The following ZNF439 variants were observed in gnomAD, a reference collection of about 807,000 sequenced individuals.
ZNF439 encodes zinc finger protein 439.
A neutral mutation model predicts 47.3 loss-of-function variants in ZNF439; 40 were observed. That is an observed-to-expected ratio of 0.85 (90% CI 0.66 to 1.10). ZNF439 has a LOEUF of 1.10. Among genes scored for constraint, ZNF439 ranks in the 50% least tolerant of loss-of-function variants. The pLI, the probability that ZNF439 is intolerant of heterozygous loss-of-function variation, is 0.00. For synonymous variants in ZNF439, 171 were observed against 198.8 expected, an observed-to-expected ratio of 0.86 and a Z score of 1.18; for missense variants, 556 against 601.1, an observed-to-expected ratio of 0.93 and a Z score of 0.78.
At chr19:11,864,477 A>G (rs1209499254) in intron 1 of ZNF439, among the ~76,000 whole-genome samples, 2 of 151,764 alleles carry the variant, frequency 1.3e-5, no homozygotes, top group Non-Finnish European at 2.9e-5. Flanking sequence ...TTGTGTTTTT[A>G]GTAGAGATGG....
intron 1 of ZNF439, among the ~76,000 whole-genome samples, chr19:11,861,959 C>T (rs941884212): frequency 9.2e-5 from 14 of 152,168 alleles, no homozygotes; most frequent in African/African-American, 3.1e-4. Context: ...CTTTAGTGCA[C>T]TCTCCTATCT....
At chr19:11,864,204 C>T (rs534358005) in intron 1 of ZNF439, among the ~76,000 whole-genome samples, 2 of 152,300 alleles carry the variant, frequency 1.3e-5, no homozygotes, top group East Asian at 3.9e-4. Flanking sequence ...ATACAAATAA[C>T]TCCCACATGC....
chr19:11,865,475 G>A (rs1976648147), intron 1 of ZNF439, among the ~76,000 whole-genome samples: 1 of 149,122 alleles, frequency 6.7e-6, no homozygotes, highest in African/African-American at 2.5e-5. Context: ...GGGGTTGTGG[G>A]ATTTCCCAGG....
At chr19:11,858,611 T>TC (rs1287726858) in intron 1 of ZNF439, among the ~76,000 whole-genome samples, 2 of 152,188 alleles carry the variant, frequency 1.3e-5, no homozygotes, top group African/African-American at 4.8e-5. Flanking sequence ...GTCGCCATCT[T>TC]CCTGACTTCT....
chr19:11,855,181 G>A (rs1976352168), intron 1 of ZNF439, among the ~76,000 whole-genome samples: 1 of 152,180 alleles, frequency 6.6e-6, no homozygotes, highest in Non-Finnish European at 1.5e-5. Flanking sequence ...TACCACCAAT[G>A]CCAGCCAAGT....
chr19:11,860,519 T>G (rs886642714), intron 1 of ZNF439, among the ~76,000 whole-genome samples: 1 of 152,168 alleles, frequency 6.6e-6, no homozygotes, highest in Non-Finnish European at 1.5e-5. Flanking sequence ...CCAGCAAGCT[T>G]TCTTCGTTCA....
chr19:11,857,508 T>C (rs1442061080), intron 1 of ZNF439: 1 of 152,264 alleles, frequency 6.6e-6, no homozygotes, highest in African/African-American at 2.4e-5. Context: ...CCAGGAGTCC[T>C]GTTGGAGAAT....
chr19:11,866,367 G>A, intron 2 of ZNF439, 36 bp downstream of exon 2: 1 of 1,612,852 alleles, frequency 6.2e-7, no homozygotes, highest in Non-Finnish European at 8.5e-7. Flanking sequence ...CAGTGCATTA[G>A]TTTACCAATG....
At chr19:11,866,857 C>A (rs1211542384) in intron 3 of ZNF439, among the ~76,000 whole-genome samples, 2 of 152,246 alleles carry the variant, frequency 1.3e-5, no homozygotes, top group East Asian at 3.9e-4. Flanking sequence ...AACAAGACCA[C>A]ATATCAACAA....
At position 11,867,371 on chromosome 19, in the gene ZNF439, C is replaced by A; in HGVS notation, c.317C>A (p.Pro106Gln). The change falls in exon 4 of 4, where the codon CCA becomes CAA. Residue 106 changes from proline to glutamine, a missense_variant. Transcript: ENST00000682736. ...EDSHCGETFT[P>Q]VPDDRLNFQK... is the part of the protein sequence containing the mutation. ...AGTCATTGTGGAGAAACTTTTACCC[C>A]AGTTCCAGATGACAGGCTGAACTTC... is the stretch of plus-strand genomic sequence containing the variant. The A allele has an allele frequency of 3.1e-6, 5 of 1,613,920 alleles. No homozygotes were observed. The highest frequency in any genetic ancestry group is 4.2e-6 in the Non-Finnish European group (5 of 1,179,852).
At chr19:11,856,285 G>A (rs1976384136) in intron 1 of ZNF439, 1 of 152,168 alleles carries the variant, frequency 6.6e-6, no homozygotes, top group Admixed American at 6.5e-5. Context: ...GCATTGTAAT[G>A]TTTGATGTGC....
At chr19:11,851,933 C>T (rs1043787194) in intron 1 of ZNF439, among the ~76,000 whole-genome samples, 5 of 152,202 alleles carry the variant, frequency 3.3e-5, no homozygotes, top group Non-Finnish European at 7.4e-5. Flanking sequence ...CAGGCGTTAG[C>T]CAGTGCACCT....
Position 11,848,948 on chromosome 19 carries a change from G to A in ZNF439, c.63+18G>A. On this transcript the variant is annotated intron_variant, in intron 1 of 3. Transcript: ENST00000682736. ...GGGAAATGGTGCGTGTGCTGGCCGG[G>A]AGTGGTGCGATGGGGGAGGGGCTGC... The A allele has an allele frequency of 2.6e-6, 4 of 1,549,242 alleles. No individual in the cohort carries two copies. The highest frequency in any genetic ancestry group is 2.6e-6 in the Non-Finnish European group (3 of 1,139,444).
At chr19:11,866,820 G>A (rs1189905397) in intron 3 of ZNF439, among the ~76,000 whole-genome samples, 2 of 152,182 alleles carry the variant, frequency 1.3e-5, no homozygotes, top group Admixed American at 1.3e-4. Context: ...CTTGAGGCCA[G>A]CAGTTCAACA....
chr19:11,854,841 G>A (rs377377051), intron 1 of ZNF439, among the ~76,000 whole-genome samples: 1 of 152,186 alleles, frequency 6.6e-6, no homozygotes. Context: ...GGTCAATTGG[G>A]TATTGTTTAC....
At chr19:11,858,371 C>G (rs571726691) in intron 1 of ZNF439, 1 of 149,682 alleles carries the variant, frequency 6.7e-6, no homozygotes, top group East Asian at 2.0e-4. Context: ...GAGGCTGAAA[C>G]AGGAGAATGG....
At chr19:11,849,467 C>A (rs1465670862) in intron 1 of ZNF439, 1 of 253,634 alleles carries the variant, frequency 3.9e-6, no homozygotes, top group Non-Finnish European at 6.2e-6. Context: ...CCGAGGGAAA[C>A]ACAACCCCAA....
At chr19:11,858,713 G>A (rs1258381429) in intron 1 of ZNF439, among the ~76,000 whole-genome samples, 1 of 152,108 alleles carries the variant, frequency 6.6e-6, no homozygotes, top group African/African-American at 2.4e-5. Context: ...CTGAAGTTGA[G>A]TTAGTTTCTC....
Position 11,869,028 on chromosome 19 carries a change from C to A in ZNF439, c.*459C>A. The A allele has an allele frequency of 3.6e-6, 1 of 275,798 alleles. No homozygotes were observed. The highest frequency in any genetic ancestry group is 7.4e-6 in the Non-Finnish European group (1 of 134,796). The allele number at this position is 275,798 out of a possible 1,614,324, so 17.1% of individuals were successfully genotyped here. On this transcript the variant is annotated 3_prime_UTR_variant, in exon 4 of 4. Coordinates refer to ENST00000682736, the MANE Select transcript of ZNF439 (RefSeq NM_001348719.2). ...AGCATTCAATTATTTTTCTTCCTTG[C>A]ATATACATGAAAGGACTCATACGAG...
Sources: gnomAD v4.1 joint callset for allele counts (sites outside exome capture counted in the v4.1 genomes callset) on GRCh38, gnomAD v4.1.1 for gene constraint, MANE v1.5 for transcripts, NCBI Gene and HGNC (gene_info 2026-07-23, HGNC 2026-07-21) for gene names.